Variants in CHORDC1 observed in about 807,000 individuals in gnomAD.
The protein encoded by CHORDC1 is cysteine and histidine-rich domain-containing protein 1.
In CHORDC1, 25 loss-of-function variants were observed where a neutral mutation model predicts 48.3. The ratio of observed to expected loss-of-function variants is 0.52; its 90% confidence interval spans 0.38 to 0.72. CHORDC1 has a LOEUF of 0.72. Ranked by LOEUF, CHORDC1 falls within the 30% of genes least tolerant of loss-of-function variation. The probability of loss-of-function intolerance (pLI) is 0.00; values close to 1 mark genes in which losing one functional copy is unlikely to be tolerated. For missense variants in CHORDC1, 317 were observed against 388.7 expected, an observed-to-expected ratio of 0.82 and a Z score of 1.55; for synonymous variants, 128 against 126.4, an observed-to-expected ratio of 1.01 and a Z score of -0.09.
chr11:90,203,188 G>T (rs1469424416), intron 9 of CHORDC1, 120 bp downstream of exon 9: 4 of 943,582 alleles, frequency 4.2e-6, no homozygotes, highest in Non-Finnish European at 3.1e-6. Flanking sequence ...TTTTTAATGG[G>T]AGTCATTATA....
At chr11:90,207,002 A>AT (rs796888596) in intron 6 of CHORDC1, 38 of 336,794 alleles carry the variant, frequency 1.1e-4, no homozygotes, top group African/African-American at 7.5e-4. Flanking sequence ...AAAACTCAGT[A>AT]TGTTAGCATC....
chr11:90,208,251 G>C (rs1857759066), intron 6 of CHORDC1: 1 of 152,096 alleles, frequency 6.6e-6, no homozygotes. Context: ...TGGCCAACAT[G>C]GTGAAACCTT....
chr11:90,206,137 A>G, intron 7 of CHORDC1, 65 bp downstream of exon 7: 1 of 981,636 alleles, frequency 1.0e-6, no homozygotes, highest in Non-Finnish European at 1.6e-6. Flanking sequence ...CAATGTTTAA[A>G]GACAGAAAGG....
chr11:90,202,393 T>C lies in CHORDC1; in HGVS notation c.*12A>G, dbSNP rs1234039753. On this transcript the variant is annotated 3_prime_UTR_variant, in exon 11 of 11. Coordinates refer to ENST00000320585, the MANE Select transcript of CHORDC1 (RefSeq NM_012124.3). ...TCGGAAATAATGTAATAGCCTTCCT[T>C]CCATCTCCCACTCAATCTGTTGTGG... 3.1e-6 allele frequency: 5 copies of C among 1,610,472 alleles called. No individual in the cohort carries two copies. Among genetic ancestry groups the C allele is most frequent in the Non-Finnish European group, 4.2e-6 (5 of 1,178,822 alleles).
intron 6 of CHORDC1, chr11:90,209,223 A>C (rs183551505): frequency 1.3e-5 from 2 of 152,160 alleles, no homozygotes; most frequent in Admixed American, 6.6e-5. Context: ...ATGAGGAAAA[A>C]GTATAAACCT....
chr11:90,222,842 C>G, intron 1 of CHORDC1, 49 bp downstream of exon 1: 1 of 1,557,490 alleles, frequency 6.4e-7, no homozygotes, highest in Non-Finnish European at 8.8e-7. Context: ...AGGGCCTCCC[C>G]TGCTGATGAG....
chr11:90,205,354 A>G (rs920671547), intron 8 of CHORDC1, 106 bp downstream of exon 8: 11 of 788,152 alleles, frequency 1.4e-5, no homozygotes, highest in Non-Finnish European at 2.3e-5. Flanking sequence ...ATGGTGCAAA[A>G]AAGAAAACTT....
chr11:90,220,976 A>G (rs1016557672), intron 1 of CHORDC1, among the ~76,000 whole-genome samples: 1 of 152,164 alleles, frequency 6.6e-6, no homozygotes, highest in African/African-American at 2.4e-5. Flanking sequence ...CTTTAACTTC[A>G]GTTACAAGTT....
At chr11:90,210,238 C>T (rs931067755) in intron 6 of CHORDC1, among the ~76,000 whole-genome samples, 1 of 152,176 alleles carries the variant, frequency 6.6e-6, no homozygotes, top group Non-Finnish European at 1.5e-5. Flanking sequence ...TCTAGAATAT[C>T]AGCTCCATAA....
Position 90,214,690 on chromosome 11 carries a change from C to T in CHORDC1, c.171+484G>A, listed in dbSNP as rs532593329. 3.3e-5 allele frequency among the ~76,000 whole-genome samples: 5 copies of T among 152,134 alleles called. No individual in the cohort carries two copies. In the South Asian group the frequency reaches 6.2e-4, roughly 19 times the overall value. On this transcript the variant is annotated intron_variant, in intron 3 of 10. Coordinates refer to ENST00000320585, the MANE Select transcript of CHORDC1 (RefSeq NM_012124.3). Reference sequence around the variant, plus strand: ...TTGGCAGGTGATAACATTCAACAAACGTTAGCTACTTTTCTACTACATTCT... The same window carrying T: ...TTGGCAGGTGATAACATTCAACAAATGTTAGCTACTTTTCTACTACATTCT...
chr11:90,213,983 AG>A, intron 4 of CHORDC1, 34 bp downstream of exon 4: 1 of 1,544,992 alleles, frequency 6.5e-7, no homozygotes, highest in Non-Finnish European at 8.8e-7. Flanking sequence ...CTACTATTCA[AG>A]TGTGACAAAA....
chr11:90,206,748 C>CTA (rs755795318), intron 6 of CHORDC1: 39 of 1,273,790 alleles, frequency 3.1e-5, no homozygotes, highest in South Asian at 6.2e-5. Context: ...AGCTGCAGAC[C>CTA]TATATATATA....
At chr11:90,222,620 G>A in intron 1 of CHORDC1, 1 of 666,576 alleles carries the variant, frequency 1.5e-6, no homozygotes, top group Non-Finnish European at 2.8e-6. Context: ...GTGCGGGGAC[G>A]ACGGGGGAAA....
At chr11:90,222,610 G>A in intron 1 of CHORDC1, 1 of 655,458 alleles carries the variant, frequency 1.5e-6, no homozygotes, top group East Asian at 3.0e-5. Context: ...CTTAAAAGGA[G>A]TGCGGGGACG....
chr11:90,210,223 C>T (rs1340285607), intron 6 of CHORDC1, among the ~76,000 whole-genome samples: 1 of 152,102 alleles, frequency 6.6e-6, no homozygotes, highest in African/African-American at 2.4e-5. Context: ...TGCTCTTCTC[C>T]CCATTCTAGA....
intron 3 of CHORDC1, among the ~76,000 whole-genome samples, chr11:90,214,546 AGTTATAT>A (rs138489492): frequency 0.43 from 64,519 of 151,478 alleles, 14,162 homozygotes; most frequent in East Asian, 0.59. Flanking sequence ...CATACTTATT[AGTTATAT>A]GACCTTAAGC....
chr11:90,216,799 A>G (rs1858023414), intron 2 of CHORDC1, among the ~76,000 whole-genome samples: 1 of 152,218 alleles, frequency 6.6e-6, no homozygotes, highest in South Asian at 2.1e-4. Context: ...GATGTTGCCA[A>G]TGAGACACAT....
At chr11:90,218,894 T>G (rs1858088086) in intron 1 of CHORDC1, among the ~76,000 whole-genome samples, 1 of 151,990 alleles carries the variant, frequency 6.6e-6, no homozygotes, top group African/African-American at 2.4e-5. Context: ...AGTGACAGCC[T>G]TGTGTGTGAT....
At chr11:90,203,008 A>C in intron 9 of CHORDC1, 133 bp from the exon 10 acceptor site, 1 of 1,169,120 alleles carries the variant, frequency 8.6e-7, no homozygotes, top group Non-Finnish European at 1.2e-6. Flanking sequence ...GTATTGTTTC[A>C]TATGAGAAAA....
Sources: allele counts gnomAD v4.1 joint callset (sites outside exome capture counted in the v4.1 genomes callset), GRCh38; gene constraint gnomAD v4.1.1; transcripts MANE v1.5; gene names NCBI Gene and HGNC (gene_info 2026-07-23, HGNC 2026-07-21).